Variants in ZNF585B observed in about 807,000 individuals in gnomAD.
The protein encoded by ZNF585B is zinc finger protein 585B, also known as zinc finger protein 41-like protein.
ZNF585B carries 7 observed loss-of-function variants against 14.0 expected under a neutral mutation model. The ratio of observed to expected loss-of-function variants is 0.50; its 90% CI spans 0.28 to 0.94. ZNF585B has a LOEUF of 0.94. Among genes scored for constraint, ZNF585B ranks in the 40% least tolerant of loss-of-function variants. The probability of loss-of-function intolerance (pLI) is 0.09; values close to 1 mark genes in which losing one functional copy is unlikely to be tolerated. For synonymous variants in ZNF585B, 290 were observed against 317.3 expected, an observed-to-expected ratio of 0.91 and a Z score of 0.91; for missense variants, 750 against 924.4, an observed-to-expected ratio of 0.81 and a Z score of 2.45.
At chr19:37,189,406 C>T (rs190869190) in intron 4 of ZNF585B, 865 of 443,252 alleles carry the variant, frequency 2.0e-3, no homozygotes, top group Non-Finnish European at 2.9e-3. Flanking sequence ...GAAAAAAAGA[C>T]TGTTACAGAA....
chr19:37,208,405 T>A (rs997574629), intron 1 of ZNF585B, among the ~76,000 whole-genome samples: 1 of 152,158 alleles, frequency 6.6e-6, no homozygotes, highest in African/African-American at 2.4e-5. Context: ...GTGATAAGGA[T>A]CTTATTACAC....
At chr19:37,208,489 A>C (rs1362769281) in intron 1 of ZNF585B, among the ~76,000 whole-genome samples, 1 of 152,170 alleles carries the variant, frequency 6.6e-6, no homozygotes, top group Non-Finnish European at 1.5e-5. Context: ...ATATGTTTAA[A>C]TAAACCATAA....
At position 37,186,743 on chromosome 19, in the gene ZNF585B, G is replaced by C; in HGVS notation, c.794C>G (p.Thr265Arg). The change falls in exon 5 of 5, where the codon ACA becomes AGA. Residue 265 changes from threonine (T) to arginine (R), a missense_variant. Thr to Arg is a moderately conservative substitution (Grantham distance 71). Around this residue, in one of 2 missense-constraint regions of ZNF585B, gnomAD observed 517 missense variants for 570.3 expected, o/e 0.91. Coordinates refer to ENST00000532828, the MANE Select transcript of ZNF585B (RefSeq NM_152279.4). ...STLKIHQKIH[T>R]GERSYICIEC... is the part of the protein sequence containing the mutation. ...AATACAGATGTAGGATCTCTCGCCTGTATGGATTTTCTGATGAATCTTGAG... is the reference window on the plus strand; with the variant it reads ...AATACAGATGTAGGATCTCTCGCCTCTATGGATTTTCTGATGAATCTTGAG... The C allele has an allele frequency of 6.2e-7, 1 of 1,614,184 alleles. No individual in the cohort carries two copies. Among genetic ancestry groups the C allele is most frequent in the South Asian group, 1.1e-5 (1 of 91,088 alleles).
rs1972302988 is a variant in ZNF585B, at chr19:37,184,448, GAAA to G, written c.*776_*778del. 4.0e-5 allele frequency: 2 copies of G among 50,300 alleles called. No individual in the cohort carries two copies. Among genetic ancestry groups the G allele is most frequent in the African/African-American group, 1.5e-4 (2 of 13,596 alleles). 3.1% of individuals were successfully genotyped at this position (50,300 alleles called of 1,614,324 possible). A position where few individuals can be genotyped will look rare whatever the true frequency, so the allele number is the denominator to read the frequency against. On this transcript the variant is annotated 3_prime_UTR_variant, in exon 5 of 5. Transcript: ENST00000532828. Reference sequence around the variant, plus strand: ...AAAGAAAAAGAAAGAAAGAAGGAAAGAAAGAAAGAAAGAAAGAAAGAAAGAAAG... The same window carrying G: ...AAAGAAAAAGAAAGAAAGAAGGAAAGGAAAGAAAGAAAGAAAGAAAGAAAG...
At chr19:37,203,434 C>G (rs1316841874) in intron 2 of ZNF585B, among the ~76,000 whole-genome samples, 2 of 139,676 alleles carry the variant, frequency 1.4e-5, no homozygotes, top group African/African-American at 5.4e-5. Flanking sequence ...GAACTGAGAT[C>G]GTGCCACCGC....
At chr19:37,189,858 C>T in intron 3 of ZNF585B, 105 bp from the exon 4 acceptor site, 1 of 1,574,690 alleles carries the variant, frequency 6.4e-7, no homozygotes, top group African/African-American at 1.4e-5. Flanking sequence ...AGGAAAGTAA[C>T]CAGATATCTC....
At chr19:37,199,507 G>C (rs527808184) in intron 2 of ZNF585B, 2 of 452,040 alleles carry the variant, frequency 4.4e-6, no homozygotes, top group South Asian at 1.6e-5. Context: ...CCTGAGGATA[G>C]AGTGAGACCC....
chr19:37,200,790 GA>G (rs1052645175), intron 2 of ZNF585B, among the ~76,000 whole-genome samples: 11 of 150,634 alleles, frequency 7.3e-5, no homozygotes, highest in African/African-American at 2.7e-4. Context: ...GCCACTAAAA[GA>G]ACAAAAGAAA....
chr19:37,186,665 A>G lies in ZNF585B; in HGVS notation c.872T>C (p.Ile291Thr). 1.2e-6 allele frequency: 2 copies of G among 1,614,184 alleles called. No individual in the cohort carries two copies. The highest frequency in any genetic ancestry group is 8.5e-7 in the Non-Finnish European group (1 of 1,180,030). ...QKTQLIAHRRIHSGEKPYECN... is the reference protein window; with the variant it reads ...QKTQLIAHRRTHSGEKPYECN... ...TTCATATGGTTTTTCTCCACTATGA[A>G]TTCTTCGGTGTGCAATCAATTGTGT... The change falls in exon 5 of 5, where the codon ATT becomes ACT. Residue 291 changes from isoleucine (I) to threonine (T), a missense_variant. Around this residue, in one of 2 missense-constraint regions of ZNF585B, gnomAD observed 517 missense variants for 570.3 expected, o/e 0.91. Transcript: ENST00000532828.
At chr19:37,187,650 T>C (rs1362509502) in intron 4 of ZNF585B, among the ~76,000 whole-genome samples, 1 of 152,144 alleles carries the variant, frequency 6.6e-6, no homozygotes, top group Non-Finnish European at 1.5e-5. Flanking sequence ...AGAGATTCCC[T>C]GTAATAAGGT....
chr19:37,203,480 A>C (rs1473110178), intron 2 of ZNF585B, among the ~76,000 whole-genome samples: 2 of 8,622 alleles, frequency 2.3e-4, no homozygotes, highest in East Asian at 4.2e-3. Context: ...ATCTTGTCAC[A>C]AAAAAAAAAA....
chr19:37,203,578 G>C (rs1325340695), intron 2 of ZNF585B, among the ~76,000 whole-genome samples: 1 of 151,682 alleles, frequency 6.6e-6, no homozygotes, highest in Non-Finnish European at 1.5e-5. Flanking sequence ...TAAGTGTCCA[G>C]TTCAGTGGCA....
chr19:37,195,152 C>T (rs1449904248), intron 2 of ZNF585B, among the ~76,000 whole-genome samples: 1 of 151,676 alleles, frequency 6.6e-6, no homozygotes, highest in Non-Finnish European at 1.5e-5. Flanking sequence ...CGAGACCAGT[C>T]TGGCCAACAT....
intron 2 of ZNF585B, among the ~76,000 whole-genome samples, chr19:37,204,265 ACT>A (rs1192743248): frequency 2.6e-5 from 4 of 151,978 alleles, no homozygotes; most frequent in Non-Finnish European, 5.9e-5. Context: ...CTTTTGGCTC[ACT>A]CTCTTATTTT....
At position 37,184,119 on chromosome 19, in the gene ZNF585B, A is replaced by C. The variant is rs1972291060; in HGVS notation, c.*1108T>G. 6.6e-6 allele frequency: 1 copy of C among 152,000 alleles called. No homozygotes were observed. The highest frequency in any genetic ancestry group is 1.5e-5 in the Non-Finnish European group (1 of 68,186). 9.4% of individuals were successfully genotyped at this position (152,000 alleles called of 1,614,324 possible). A position where few individuals can be genotyped will look rare whatever the true frequency, so the allele number is the denominator to read the frequency against. Reference sequence around the variant, plus strand: ...ACGTCCGTAATCCCAGGACTTTGGGAGGCCGAGGCGGGCGGATCATGAGGT... The same window carrying C: ...ACGTCCGTAATCCCAGGACTTTGGGCGGCCGAGGCGGGCGGATCATGAGGT... On this transcript the variant is annotated 3_prime_UTR_variant, in exon 5 of 5. Transcript: ENST00000532828.
chr19:37,191,209 A>G (rs997096312), intron 2 of ZNF585B, among the ~76,000 whole-genome samples: 2 of 152,218 alleles, frequency 1.3e-5, no homozygotes, highest in Non-Finnish European at 2.9e-5. Flanking sequence ...CCTTGTGACA[A>G]ATGTATACAC....
Position 37,187,190 on chromosome 19 carries a change from G to C in ZNF585B, c.347C>G (p.Ala116Gly). The C allele has an allele frequency of 6.2e-7, 1 of 1,613,216 alleles. No individual in the cohort carries two copies. Among genetic ancestry groups the C allele is most frequent in the Non-Finnish European group, 8.5e-7 (1 of 1,179,800 alleles). ...QHRKIIGYKPASSQDQKIYSG... is the reference protein window; with the variant it reads ...QHRKIIGYKPGSSQDQKIYSG... ...ATAAATTTTTTGATCTTGAGAGGAA[G>C]CTGGTTTATAACCGATGATTTTTCT... is the stretch of plus-strand genomic sequence containing the variant. Residue 116 changes from alanine to glycine, a missense_variant, in exon 5 of 5, where the codon GCT becomes GGT. Ala to Gly is a moderately conservative substitution (Grantham distance 60). Transcript: ENST00000532828.
intron 4 of ZNF585B, among the ~76,000 whole-genome samples, chr19:37,189,103 A>G (rs1194269362): frequency 6.6e-6 from 1 of 151,860 alleles, no homozygotes; most frequent in Admixed American, 6.6e-5. Flanking sequence ...ACACCCAGCT[A>G]ATTTTTGTAT....
At chr19:37,210,157 C>A (rs1429156960) in intron 1 of ZNF585B, among the ~76,000 whole-genome samples, 2 of 152,172 alleles carry the variant, frequency 1.3e-5, no homozygotes, top group Non-Finnish European at 2.9e-5. Context: ...ATGGAAAGAA[C>A]TGAACTTTCA....
Sources: gnomAD v4.1 joint callset for allele counts (sites outside exome capture counted in the v4.1 genomes callset) on GRCh38, gnomAD v4.1.1 for gene constraint, gnomAD v4.1.1 regional missense constraint, MANE v1.5 for transcripts, NCBI Gene and HGNC (gene_info 2026-07-23, HGNC 2026-07-21) for gene names.